Variants in RYR2 observed in about 807,000 individuals in gnomAD.
RYR2 encodes ryanodine receptor 2.
RYR2 carries 227 observed loss-of-function variants against 601.1 expected under a neutral mutation model. The ratio of observed to expected loss-of-function variants is 0.38; its 90% CI spans 0.34 to 0.42. RYR2 has a LOEUF of 0.42. RYR2 is among the 10% of genes least tolerant of loss of function. RYR2 has a pLI of 1.00. For missense variants in RYR2, 4,646 were observed against 6,156.5 expected (o/e 0.75, Z 8.21); for synonymous variants, 2,223 against 2,175.1 (o/e 1.02, Z -0.61).
At position 237,594,058 on chromosome 1, in the gene RYR2, G is replaced by A. The variant is rs968355639; in HGVS notation, c.4436+422G>A. Among the ~76,000 whole-genome samples, 10 of 152,170 alleles carry A rather than the reference G, an allele frequency of 6.6e-5. No individual in the cohort carries two copies. In the East Asian group the frequency reaches 1.2e-3, roughly 18 times the overall value. On this transcript the variant is annotated intron_variant, in intron 33 of 104. Coordinates refer to ENST00000366574, the MANE Select transcript of RYR2 (RefSeq NM_001035.3). The stretch of plus-strand genomic sequence containing the variant: ...GGCTGGTAGTTTAGACCAGGTGGAC[G>A]CATTTGAACTCGGACTGAGGAGAAG...
intron 79 of RYR2, among the ~76,000 whole-genome samples, chr1:237,736,476 A>T (rs1691159818): frequency 6.6e-6 from 1 of 151,674 alleles, no homozygotes; most frequent in African/African-American, 2.4e-5. Flanking sequence ...AAAAAAAAAA[A>T]AGATAAAAGG....
chr1:237,611,844 A>G (rs2148580438), intron 36 of RYR2, among the ~76,000 whole-genome samples: 1 of 152,278 alleles, frequency 6.6e-6, no homozygotes, highest in South Asian at 2.1e-4. Flanking sequence ...AATTTAACCT[A>G]TGCTTTGGAA....
intron 11 of RYR2, among the ~76,000 whole-genome samples, chr1:237,422,340 C>A (rs2150054129): frequency 6.6e-6 from 1 of 152,302 alleles, no homozygotes; most frequent in East Asian, 1.9e-4. Flanking sequence ...TATCCATCAT[C>A]TCAAACGTTT....
intron 1 of RYR2, among the ~76,000 whole-genome samples, chr1:237,261,845 C>T (rs1688559242): frequency 6.6e-6 from 1 of 152,158 alleles, no homozygotes; most frequent in African/African-American, 2.4e-5. Context: ...AGGCTAGTAG[C>T]ATCTCCGATC....
chr1:237,595,143 G>T (rs1573021535), intron 33 of RYR2, among the ~76,000 whole-genome samples: 1 of 151,936 alleles, frequency 6.6e-6, no homozygotes, highest in East Asian at 1.9e-4. Context: ...TCCATGAGAT[G>T]AAAATTACAA....
chr1:237,369,270 A>G (rs760092592), intron 5 of RYR2, among the ~76,000 whole-genome samples: 16 of 152,152 alleles, frequency 1.1e-4, no homozygotes, highest in Non-Finnish European at 2.4e-4. Context: ...TTATGAGTAA[A>G]TAACTATAAT....
intron 1 of RYR2, among the ~76,000 whole-genome samples, chr1:237,158,807 G>A (rs1236328994): frequency 6.6e-6 from 1 of 152,238 alleles, no homozygotes; most frequent in East Asian, 1.9e-4. Context: ...TGGAGAAAGA[G>A]TGGATCTAGT....
chr1:237,681,085 G>A (rs946701762), intron 62 of RYR2, among the ~76,000 whole-genome samples: 1 of 152,134 alleles, frequency 6.6e-6, no homozygotes, highest in African/African-American at 2.4e-5. Context: ...TTAAACCAAA[G>A]GGTTCTTTAT....
intron 30 of RYR2, 88 bp from the exon 31 acceptor site, chr1:237,590,552 T>G: frequency 5.3e-6 from 6 of 1,130,118 alleles, no homozygotes; most frequent in Non-Finnish European, 7.4e-6. Flanking sequence ...TTTGGGATTC[T>G]GAAAACGTGA....
Position 237,755,070 on chromosome 1 carries a change from A to T in RYR2, c.11146-1218A>T, listed in dbSNP as rs778803739. The T allele has an allele frequency of 1.6e-5, 21 of 1,289,100 alleles. No homozygotes were observed. In the South Asian group the frequency reaches 2.6e-4, roughly 16 times the overall value. 79.9% of individuals were successfully genotyped at this position (1,289,100 alleles called of 1,614,324 possible). A position where few individuals can be genotyped will look rare whatever the true frequency, so the allele number is the denominator to read the frequency against. ...AATTTTGTTTTCGCAGCACGATATT[A>T]TCAAAGATTTAAGAAACAAATTTGC... is the stretch of plus-strand genomic sequence containing the variant. On this transcript the variant is annotated intron_variant, in intron 80 of 104. Transcript: ENST00000366574.
At chr1:237,528,077 A>G (rs1319628109) in intron 24 of RYR2, among the ~76,000 whole-genome samples, 1 of 152,158 alleles carries the variant, frequency 6.6e-6, no homozygotes, top group Admixed American at 6.5e-5. Flanking sequence ...ATTTTATTTA[A>G]TAATGGCCCC....
intron 17 of RYR2, among the ~76,000 whole-genome samples, chr1:237,490,346 A>AT (rs1334536718): frequency 1.3e-5 from 2 of 152,206 alleles, no homozygotes; most frequent in African/African-American, 4.8e-5. Context: ...AGTTGAAATT[A>AT]TTTTTTATAA....
At chr1:237,416,803 A>T (rs1705045862) in intron 10 of RYR2, among the ~76,000 whole-genome samples, 1 of 151,530 alleles carries the variant, frequency 6.6e-6, no homozygotes, top group African/African-American at 2.4e-5. Flanking sequence ...GATTAGAGGG[A>T]GAAAATGGCA....
intron 1 of RYR2, among the ~76,000 whole-genome samples, chr1:237,148,527 AATATATAT>A (rs1553316811): frequency 2.4e-5 from 2 of 83,916 alleles, no homozygotes; most frequent in Non-Finnish European, 4.7e-5. Flanking sequence ...AAAAAAAAAA[AATATATAT>A]ATATATATAT....
At chr1:237,446,998 T>C (rs1410505791) in intron 14 of RYR2, among the ~76,000 whole-genome samples, 2 of 152,198 alleles carry the variant, frequency 1.3e-5, no homozygotes, top group East Asian at 3.8e-4. Flanking sequence ...CCCACTAGTT[T>C]TTCTTTACTA....
chr1:237,824,458 C>A (rs775353603), intron 101 of RYR2, among the ~76,000 whole-genome samples: 1 of 152,070 alleles, frequency 6.6e-6, no homozygotes, highest in Non-Finnish European at 1.5e-5. Flanking sequence ...GCAGAAAAGG[C>A]CTTCGACAAA....
At chr1:237,703,382 T>G (rs1573591564) in intron 66 of RYR2, among the ~76,000 whole-genome samples, 2 of 151,638 alleles carry the variant, frequency 1.3e-5, no homozygotes. Context: ...TACTTGCTAT[T>G]TTTTTCATGT....
intron 1 of RYR2, among the ~76,000 whole-genome samples, chr1:237,127,604 C>T (rs1238078081): frequency 2.9e-4 from 44 of 151,444 alleles, no homozygotes; most frequent in African/African-American, 8.2e-4. Flanking sequence ...GGCTGCCGGG[C>T]GGAGACGCTC....
At chr1:237,516,574 C>G (rs1666571938) in intron 24 of RYR2, among the ~76,000 whole-genome samples, 1 of 152,204 alleles carries the variant, frequency 6.6e-6, no homozygotes, top group Admixed American at 6.5e-5. Context: ...ATCTCTACCC[C>G]AGACATCTGC....
Sources: allele counts gnomAD v4.1 joint callset (sites outside exome capture counted in the v4.1 genomes callset), GRCh38; gene constraint gnomAD v4.1.1; transcripts MANE v1.5; gene names NCBI Gene and HGNC (gene_info 2026-07-23, HGNC 2026-07-21).